The following DOK6 variants were observed in gnomAD, a reference collection of about 807,000 sequenced individuals.
DOK6 encodes the protein docking protein 6.
A neutral mutation model predicts 44.0 loss-of-function variants in DOK6; 22 were observed. That is an observed-to-expected ratio of 0.50 (90% CI 0.36 to 0.71). The LOEUF is 0.71. DOK6 is among the 30% of genes least tolerant of loss of function. The pLI is 0.00. For synonymous variants in DOK6, 166 were observed against 145.5 expected (o/e 1.14, Z -1.01); for missense variants, 340 against 416.4 (o/e 0.82, Z 1.60).
chr18:69,471,062 C>T (rs1346683959), intron 1 of DOK6, among the ~76,000 whole-genome samples: 1 of 151,420 alleles, frequency 6.6e-6, no homozygotes, highest in African/African-American at 2.4e-5. Context: ...CCAGCCTGAC[C>T]AATATAGAGA....
chr18:69,646,426 G>A (rs1985075113), intron 3 of DOK6, among the ~76,000 whole-genome samples: 1 of 151,872 alleles, frequency 6.6e-6, no homozygotes, highest in South Asian at 2.1e-4. Flanking sequence ...GTTATTTTAG[G>A]GAAAAAAATT....
In DOK6 at chr18:69,451,090, T is replaced by G. The variant is rs1474513002; in HGVS notation, c.66+49780T>G. The stretch of plus-strand genomic sequence containing the variant: ...AACTTTAAATGTAAATGGACTAAAT[T>G]CTCCAATTAAAAGACACAGACTGGC... On this transcript the variant is annotated intron_variant, in intron 1 of 7. Coordinates refer to ENST00000382713, the MANE Select transcript of DOK6 (RefSeq NM_152721.6). 7.5e-5 allele frequency among the ~76,000 whole-genome samples: 11 copies of G among 147,636 alleles called. No individual in the cohort carries two copies. The South Asian group carries it at 1.1e-3, about 15-fold the overall frequency.
chr18:69,520,194 G>C lies in DOK6; in HGVS notation c.67-44293G>C, dbSNP rs552870978. On this transcript the variant is annotated intron_variant, in intron 1 of 7. Transcript: ENST00000382713. Reference sequence around the variant, plus strand: ...ACTTGCAATTTTAGTTACCCTCAATGATGTTCCTGAAGACTCTTTAAAAAA... The same window carrying C: ...ACTTGCAATTTTAGTTACCCTCAATCATGTTCCTGAAGACTCTTTAAAAAA... Among the ~76,000 whole-genome samples the C allele has an allele frequency of 5.3e-5, 8 of 151,778 alleles. No individual in the cohort carries two copies. The South Asian group carries it at 1.7e-3, about 32-fold the overall frequency.
chr18:69,755,225 T>G (rs1490397325), intron 6 of DOK6, among the ~76,000 whole-genome samples: 1 of 152,164 alleles, frequency 6.6e-6, no homozygotes, highest in South Asian at 2.1e-4. Flanking sequence ...TATTATCCAG[T>G]GGCTTCCAAT....
At chr18:69,533,137 GA>G (rs1006010675) in intron 1 of DOK6, among the ~76,000 whole-genome samples, 1 of 149,620 alleles carries the variant, frequency 6.7e-6, no homozygotes, top group Non-Finnish European at 1.5e-5. Flanking sequence ...TGCACCTCCA[GA>G]AAAAAAAATG....
At chr18:69,765,136 T>C (rs1355323563) in intron 7 of DOK6, among the ~76,000 whole-genome samples, 2 of 152,242 alleles carry the variant, frequency 1.3e-5, no homozygotes, top group African/African-American at 4.8e-5. Context: ...TGACCTTCTG[T>C]CCTTCTCTAC....
intron 4 of DOK6, among the ~76,000 whole-genome samples, chr18:69,685,898 G>A (rs868567441): frequency 1.3e-5 from 2 of 152,112 alleles, no homozygotes; most frequent in Non-Finnish European, 2.9e-5. Flanking sequence ...CACTAGACAC[G>A]TGCCTATGTG....
chr18:69,528,142 G>A (rs1386026242), intron 1 of DOK6, among the ~76,000 whole-genome samples: 1 of 133,642 alleles, frequency 7.5e-6, no homozygotes, highest in African/African-American at 2.7e-5. Context: ...CGGCCTGGGT[G>A]ACAGAGCGAG....
chr18:69,815,369 C>T (rs1419796874), intron 7 of DOK6, among the ~76,000 whole-genome samples: 2 of 152,156 alleles, frequency 1.3e-5, no homozygotes, highest in African/African-American at 4.8e-5. Flanking sequence ...TGCATTCCTT[C>T]TGTGATTTGG....
rs147145285 is a variant in DOK6, at chr18:69,822,684, G to T, written c.857-18560G>T. Among the ~76,000 whole-genome samples, 487 of 152,280 alleles carry T rather than the reference G, an allele frequency of 3.2e-3. 6 individuals are homozygous for T. The highest frequency in any genetic ancestry group is 6.9e-3 in the Admixed American group (106 of 15,292). On this transcript the variant is annotated intron_variant, in intron 7 of 7. Transcript: ENST00000382713. ...GACATATCCTCAAAAAGATAATCCA[G>T]AACAAGGCAGTCATTGCCTTTGCTC...
At chr18:69,508,388 T>C (rs1981255053) in intron 1 of DOK6, among the ~76,000 whole-genome samples, 1 of 152,216 alleles carries the variant, frequency 6.6e-6, no homozygotes, top group Non-Finnish European at 1.5e-5. Context: ...TTGAGAAATA[T>C]CCCCTTCTCT....
intron 3 of DOK6, among the ~76,000 whole-genome samples, chr18:69,624,876 C>T (rs1425849248): frequency 1.3e-5 from 2 of 152,024 alleles, no homozygotes; most frequent in African/African-American, 2.4e-5. Flanking sequence ...TATTAAACAT[C>T]GTCTTTTCTT....
At chr18:69,431,262 C>T (rs1769109414) in intron 1 of DOK6, among the ~76,000 whole-genome samples, 1 of 152,304 alleles carries the variant, frequency 6.6e-6, no homozygotes, top group East Asian at 1.9e-4. Context: ...GCAGTGTAAA[C>T]TGAGAGTCCT....
chr18:69,591,836 G>A (rs73970184), intron 2 of DOK6, among the ~76,000 whole-genome samples: 4,654 of 152,102 alleles, frequency 0.031, 226 homozygotes, highest in African/African-American at 0.11. Flanking sequence ...TGAGCTTAGA[G>A]AAAGAATCAA....
chr18:69,402,867 A>T (rs112757958), intron 1 of DOK6, among the ~76,000 whole-genome samples: 5 of 152,172 alleles, frequency 3.3e-5, no homozygotes, highest in Non-Finnish European at 5.9e-5. Context: ...TTTTCCAGGC[A>T]TATAAGGACG....
intron 1 of DOK6, among the ~76,000 whole-genome samples, chr18:69,402,336 C>T (rs894423943): frequency 4.6e-5 from 7 of 152,222 alleles, no homozygotes; most frequent in Non-Finnish European, 8.8e-5. Flanking sequence ...GGTCCTTGAG[C>T]TAGAACCTTT....
At chr18:69,403,457 C>T (rs1480756580) in intron 1 of DOK6, among the ~76,000 whole-genome samples, 1 of 152,216 alleles carries the variant, frequency 6.6e-6, no homozygotes, top group Non-Finnish European at 1.5e-5. Context: ...GCCTCTTTTG[C>T]TGTGTTCACT....
At chr18:69,574,641 A>G (rs1446352898) in intron 2 of DOK6, among the ~76,000 whole-genome samples, 2 of 152,088 alleles carry the variant, frequency 1.3e-5, no homozygotes, top group African/African-American at 4.8e-5. Context: ...AGGCTCTGAA[A>G]GGAGGCCTGG....
intron 3 of DOK6, chr18:69,659,792 C>A (rs1985461428): frequency 1.5e-5 from 2 of 132,508 alleles, no homozygotes. Flanking sequence ...ATCTGAAATC[C>A]TGGTGGTTTT....
Sources: gnomAD v4.1 joint callset for allele counts (sites outside exome capture counted in the v4.1 genomes callset) on GRCh38, gnomAD v4.1.1 for gene constraint, MANE v1.5 for transcripts, NCBI Gene and HGNC (gene_info 2026-07-23, HGNC 2026-07-21) for gene names.